Variants in TULP3 observed in about 807,000 individuals in gnomAD.
TULP3 encodes TUB like protein 3.
In TULP3, 38 loss-of-function variants were observed where a neutral mutation model predicts 50.7. That is an observed-to-expected ratio of 0.75 (90% confidence interval 0.58 to 0.98). The LOEUF (loss-of-function observed/expected upper bound fraction) is 0.98, where lower values mean the gene tolerates loss of function less well. Among genes scored for constraint, TULP3 ranks in the 50% least tolerant of loss-of-function variants. TULP3 has a pLI of 0.00. For missense variants in TULP3, 550 were observed against 568.0 expected (o/e 0.97, Z 0.32); for synonymous variants, 183 against 196.6 (o/e 0.93, Z 0.58).
At chr12:2,928,737 G>A (rs1168447829) in intron 4 of TULP3, among the ~76,000 whole-genome samples, 1 of 152,068 alleles carries the variant, frequency 6.6e-6, no homozygotes, top group Non-Finnish European at 1.5e-5. Context: ...GAGGTCAGGA[G>A]TTTGAGACCA....
intron 1 of TULP3, among the ~76,000 whole-genome samples, chr12:2,907,245 G>A (rs529898404): frequency 6.6e-6 from 1 of 152,076 alleles, no homozygotes; most frequent in Non-Finnish European, 1.5e-5. Context: ...GACTGAGGTG[G>A]GCATATCACG....
intron 1 of TULP3, among the ~76,000 whole-genome samples, chr12:2,907,756 G>A (rs573474673): frequency 2.0e-5 from 3 of 151,896 alleles, no homozygotes; most frequent in South Asian, 2.1e-4. Flanking sequence ...ATTAATGAAG[G>A]ATTTTTAAAT....
rs751638170 is a variant in TULP3 at position 2,921,064 on chromosome 12, G to A, written c.253+142G>A. On this transcript the variant is annotated intron_variant, in intron 3 of 10. Coordinates refer to ENST00000448120, the MANE Select transcript of TULP3 (RefSeq NM_003324.5). ...TTCATAAATCTTTATAATCACATTT[G>A]GGGTCTTTGAGGAGAATAAAAGCAA... The A allele has an allele frequency of 2.6e-4, 265 of 1,017,880 alleles. 1 individual carries two copies. Among genetic ancestry groups the A allele is most frequent in the South Asian group, 9.0e-4 (54 of 59,892 alleles). 63.1% of individuals were successfully genotyped at this position (1,017,880 alleles called of 1,614,324 possible).
chr12:2,903,527 A>C (rs2098180416), intron 1 of TULP3, among the ~76,000 whole-genome samples: 1 of 151,008 alleles, frequency 6.6e-6, no homozygotes, highest in Non-Finnish European at 1.5e-5. Flanking sequence ...ACGCCACTGC[A>C]CTGCAGCCTG....
At chr12:2,920,985 A>AG in intron 3 of TULP3, 63 bp downstream of exon 3, 2 of 1,595,140 alleles carry the variant, frequency 1.3e-6, no homozygotes, top group Non-Finnish European at 1.7e-6. Context: ...AGAAGGCACG[A>AG]GGATTGTCAG....
chr12:2,927,642 T>C (rs2098195469), intron 4 of TULP3, among the ~76,000 whole-genome samples: 1 of 152,068 alleles, frequency 6.6e-6, no homozygotes, highest in Non-Finnish European at 1.5e-5. Context: ...CATGAGCCAC[T>C]GCGCCCGGCC....
chr12:2,904,756 G>C (rs1326057745), intron 1 of TULP3, among the ~76,000 whole-genome samples: 2 of 151,366 alleles, frequency 1.3e-5, no homozygotes, highest in African/African-American at 2.5e-5. Flanking sequence ...ACCAGGCTTG[G>C]TTATGGTTAG....
At chr12:2,907,939 GT>G (rs967517198) in intron 1 of TULP3, among the ~76,000 whole-genome samples, 5 of 152,022 alleles carry the variant, frequency 3.3e-5, no homozygotes, top group African/African-American at 1.2e-4. Flanking sequence ...AGCACCCGGT[GT>G]TTTTTTATTT....
chr12:2,907,798 A>C (rs2098183224), intron 1 of TULP3, among the ~76,000 whole-genome samples: 1 of 152,202 alleles, frequency 6.6e-6, no homozygotes, highest in Non-Finnish European at 1.5e-5. Context: ...CTGCAGATAA[A>C]AAACATTAAA....
intron 2 of TULP3, among the ~76,000 whole-genome samples, chr12:2,914,088 A>AATCTTCT (rs2098187232): frequency 6.6e-6 from 1 of 151,688 alleles, no homozygotes; most frequent in Non-Finnish European, 1.5e-5. Context: ...GAACATTTCA[A>AATCTTCT]ATCTTCTAGC....
intron 6 of TULP3, 38 bp downstream of exon 6, chr12:2,931,278 A>T: frequency 6.3e-7 from 1 of 1,599,648 alleles, no homozygotes; most frequent in Non-Finnish European, 8.5e-7. Flanking sequence ...CTTGAGAGAG[A>T]GAAGAATGTT....
intron 1 of TULP3, 74 bp from the exon 2 acceptor site, chr12:2,909,455 A>T: frequency 7.1e-7 from 1 of 1,411,034 alleles, no homozygotes; most frequent in Non-Finnish European, 9.8e-7. Flanking sequence ...CCAAAAGAGT[A>T]CATACATAAA....
chr12:2,936,778 TCAAGC>T (rs1482864485), intron 8 of TULP3, among the ~76,000 whole-genome samples: 2 of 145,466 alleles, frequency 1.4e-5, no homozygotes, highest in Non-Finnish European at 3.0e-5. Flanking sequence ...GAGTAAACTC[TCAAGC>T]CAAGAGATTC....
intron 4 of TULP3, among the ~76,000 whole-genome samples, chr12:2,927,361 G>C (rs866664668): frequency 6.2e-5 from 5 of 80,856 alleles, no homozygotes; most frequent in African/African-American, 1.7e-4. Context: ...TTTCAGTTGA[G>C]ACTGATTTTT....
rs2098203725 is a variant in TULP3, at chr12:2,939,935, C to G, written c.*491C>G. 7.9e-7 allele frequency: 1 copy of G among 1,270,076 alleles called. No homozygotes were observed. 78.7% of individuals were successfully genotyped at this position (1,270,076 alleles called of 1,614,324 possible). ...TCTTGTCACATTGGGGTCTCCAAAG[C>G]TAGAATGGGATTTCATGTGCTTGGA... On this transcript the variant is annotated 3_prime_UTR_variant, in exon 11 of 11. Transcript: ENST00000448120. The surrounding 1 kb of genome is among the most constrained non-coding windows in gnomAD (Gnocchi z 4.0).
At chr12:2,931,909 C>A (rs10774084) in intron 6 of TULP3, among the ~76,000 whole-genome samples, 1 of 151,812 alleles carries the variant, frequency 6.6e-6, no homozygotes, top group Admixed American at 6.6e-5. Flanking sequence ...GGATTTCTTA[C>A]CTCTGCTTTA....
At chr12:2,921,013 T>C (rs2098191369) in intron 3 of TULP3, 91 bp downstream of exon 3, 2 of 1,464,766 alleles carry the variant, frequency 1.4e-6, no homozygotes. Flanking sequence ...AAAGGGACAA[T>C]ATTATTAGCA....
intron 2 of TULP3, among the ~76,000 whole-genome samples, chr12:2,919,649 TC>T (rs2153949497): frequency 6.6e-6 from 1 of 152,278 alleles, no homozygotes; most frequent in Admixed American, 6.5e-5. Context: ...TTAACATTTT[TC>T]CTACTCTGAG....
At chr12:2,901,118 C>T (rs1226028450) in intron 1 of TULP3, among the ~76,000 whole-genome samples, 1 of 151,454 alleles carries the variant, frequency 6.6e-6, no homozygotes. Context: ...GGCCCCCTCC[C>T]CCCACCTCTT....
Sources: gnomAD v4.1 joint callset for allele counts (sites outside exome capture counted in the v4.1 genomes callset) on GRCh38, gnomAD v4.1.1 for gene constraint, Gnocchi (gnomAD v3.1) non-coding constraint, MANE v1.5 for transcripts, NCBI Gene and HGNC (gene_info 2026-07-23, HGNC 2026-07-21) for gene names.